BRDT: variants seen among roughly 807,000 people sequenced by gnomAD.
The protein encoded by BRDT is bromodomain testis associated, also known as bromodomain testis-specific protein.
A neutral mutation model predicts 113.9 loss-of-function variants in BRDT; 77 were observed. That is an observed-to-expected ratio of 0.68 (90% confidence interval 0.56 to 0.82). BRDT has a LOEUF of 0.82. Ranked by LOEUF, BRDT falls within the 40% of genes least tolerant of loss-of-function variation. The pLI, the probability that BRDT is intolerant of heterozygous loss-of-function variation, is 0.00. For missense variants in BRDT, 1,027 were observed against 1,105.4 expected (o/e 0.93, Z 1.01); for synonymous variants, 358 against 366.5 (o/e 0.98, Z 0.26).
At position 92,005,267 on chromosome 1, in the gene BRDT, C is replaced by A. The variant is rs1420845901; in HGVS notation, c.2743C>A (p.Gln915Lys). The change falls in exon 18 of 19, where the codon CAG becomes AAG. Residue 915 changes from glutamine to lysine, a missense_variant. Coordinates refer to ENST00000399546, the MANE Select transcript of BRDT (RefSeq NM_207189.4). ...TCTCAAAGACCGTGATTTAGCAAGG[C>A]AGAAAGAACAAGAGAGGAGGAGGAG... ...WLLKDRDLARQKEQERRRREA... is the reference protein window; with the variant it reads ...WLLKDRDLARKKEQERRRREA... 4 of 1,572,972 alleles carry A rather than the reference C, an allele frequency of 2.5e-6. No homozygotes were observed. The highest frequency in any genetic ancestry group is 3.4e-6 in the Non-Finnish European group (4 of 1,165,682).
chr1:91,954,480 CTG>C (rs1681508440), intron 1 of BRDT, among the ~76,000 whole-genome samples: 1 of 152,010 alleles, frequency 6.6e-6, no homozygotes, highest in Non-Finnish European at 1.5e-5. Context: ...AGATCTCACT[CTG>C]TTGCCCAAGA....
intron 12 of BRDT, among the ~76,000 whole-genome samples, chr1:91,986,110 C>T (rs929104708): frequency 1.3e-5 from 2 of 152,130 alleles, no homozygotes; most frequent in African/African-American, 4.8e-5. Context: ...TTTTTCATAA[C>T]TAAAATCAAT....
Position 92,004,524 on chromosome 1 carries a change from C to G in BRDT, c.2499C>G (p.Ala833=), listed in dbSNP as rs770289152. 5.0e-6 allele frequency: 8 copies of G among 1,613,208 alleles called. No individual in the cohort carries two copies. Among genetic ancestry groups the G allele is most frequent in the Non-Finnish European group, 8.5e-7 (1 of 1,179,716 alleles). Residue 833 remains alanine (A), a synonymous_variant, in exon 17 of 19, where the codon GCC becomes GCG. Coordinates refer to ENST00000399546, the MANE Select transcript of BRDT (RefSeq NM_207189.4). The stretch of plus-strand genomic sequence containing the variant: ...TCTTCAACCAATTTAGAAAAGCAGC[C>G]ATAGAAAAGGAAGTAAAAGCTCGGA... ...DELFNQFRKA[A]IEKEVKARTQ... is the part of the protein sequence containing the mutation.
intron 15 of BRDT, 148 bp from the exon 16 acceptor site, chr1:92,001,901 C>A: frequency 1.7e-6 from 1 of 579,452 alleles, no homozygotes; most frequent in Non-Finnish European, 3.1e-6. Context: ...AAGTCCCTAA[C>A]TAAGAATATT....
chr1:91,951,522 C>G (rs374447327), intron 1 of BRDT, among the ~76,000 whole-genome samples: 1 of 151,992 alleles, frequency 6.6e-6, no homozygotes, highest in African/African-American at 2.4e-5. Flanking sequence ...AAAGGCTGGG[C>G]GCGGTGGCTC....
intron 13 of BRDT, among the ~76,000 whole-genome samples, chr1:91,991,908 C>T (rs1235132176): frequency 1.5e-5 from 2 of 135,424 alleles, no homozygotes; most frequent in East Asian, 2.6e-4. Flanking sequence ...AGGAGGATGG[C>T]GTGAACCCGG....
chr1:91,961,854 A>G (rs1682482960), intron 1 of BRDT, among the ~76,000 whole-genome samples: 1 of 152,106 alleles, frequency 6.6e-6, no homozygotes, highest in South Asian at 2.1e-4. Flanking sequence ...AGATGTTGAA[A>G]TAATTTAAAA....
intron 15 of BRDT, among the ~76,000 whole-genome samples, chr1:91,996,994 G>C (rs1459437100): frequency 1.3e-5 from 2 of 151,960 alleles, no homozygotes; most frequent in African/African-American, 4.8e-5. Context: ...GAAGAGAAAA[G>C]CTTAAAGACA....
intron 18 of BRDT, among the ~76,000 whole-genome samples, chr1:92,012,913 A>G (rs1186948904): frequency 2.2e-5 from 2 of 89,640 alleles, no homozygotes; most frequent in Non-Finnish European, 5.6e-5. Flanking sequence ...CTGTCACAAG[A>G]AAAAAAAAAA....
intron 3 of BRDT, among the ~76,000 whole-genome samples, chr1:91,965,422 T>G (rs571082416): frequency 6.6e-6 from 1 of 152,296 alleles, no homozygotes; most frequent in African/African-American, 2.4e-5. Context: ...TTCCTGTCAT[T>G]TTAGTTATGA....
At chr1:91,990,169 CT>C (rs957639182) in intron 12 of BRDT, among the ~76,000 whole-genome samples, 2 of 152,162 alleles carry the variant, frequency 1.3e-5, no homozygotes, top group African/African-American at 4.8e-5. Flanking sequence ...GAGAAACCCA[CT>C]AGAACCGTGT....
Position 91,972,998 on chromosome 1 carries a change from A to G in BRDT, c.446-3268A>G, listed in dbSNP as rs115503603. On this transcript the variant is annotated intron_variant, in intron 4 of 18. Transcript: ENST00000399546. ...AGAGCTAGACAGTTGGTGAGTGGGG[A>G]TAGGTAGAGCGAAAATGTTATTTTA... 9.1e-3 allele frequency among the ~76,000 whole-genome samples: 1,390 copies of G among 152,302 alleles called. 19 individuals are homozygous for G. The highest frequency in any genetic ancestry group is 0.023 in the African/African-American group (952 of 41,578).
chr1:91,964,564 T>C (rs1017724322), intron 2 of BRDT, 63 bp from the exon 3 acceptor site: 4 of 1,049,500 alleles, frequency 3.8e-6, no homozygotes, highest in Non-Finnish European at 5.2e-6. Flanking sequence ...TAAATTTCTT[T>C]GTGTATCAAT....
chr1:92,013,070 T>C (rs1365273383), intron 18 of BRDT, among the ~76,000 whole-genome samples: 5 of 151,568 alleles, frequency 3.3e-5, no homozygotes, highest in Admixed American at 6.6e-5. Flanking sequence ...ATGCAAAAAT[T>C]ACCTGGGCAT....
rs1570415593 is a variant in BRDT, at chr1:91,955,050, C to T, written c.-38+5368C>T. Among the ~76,000 whole-genome samples, 6 of 152,130 alleles carry T rather than the reference C, an allele frequency of 3.9e-5. 1 individual carries two copies. The highest frequency in any genetic ancestry group is 3.9e-4 in the Admixed American group (6 of 15,272). On this transcript the variant is annotated intron_variant, in intron 1 of 18. Coordinates refer to ENST00000399546, the MANE Select transcript of BRDT (RefSeq NM_207189.4). ...ATAATGGTAACTCTGTACTTTTTTC[C>T]CCTCCTTAAGGTGGCATATTGGAAT...
At chr1:91,985,814 A>G (rs575997838) in intron 12 of BRDT, among the ~76,000 whole-genome samples, 20 of 151,034 alleles carry the variant, frequency 1.3e-4, no homozygotes, top group African/African-American at 4.1e-4. Context: ...AATTTTTTCT[A>G]TTTTTAGTAG....
At chr1:91,991,557 A>T (rs141706581) in intron 13 of BRDT, among the ~76,000 whole-genome samples, 1 of 152,336 alleles carries the variant, frequency 6.6e-6, no homozygotes, top group Non-Finnish European at 1.5e-5. Context: ...GAATGAGTGT[A>T]CAAAACTATG....
At chr1:91,984,306 A>G (rs536888144) in intron 12 of BRDT, among the ~76,000 whole-genome samples, 49 of 152,304 alleles carry the variant, frequency 3.2e-4, no homozygotes, top group Non-Finnish European at 6.0e-4. Flanking sequence ...TAGCATGTAA[A>G]CTAAGAACAT....
chr1:91,969,230 G>A (rs927404615), intron 4 of BRDT, among the ~76,000 whole-genome samples: 11 of 151,932 alleles, frequency 7.2e-5, no homozygotes, highest in African/African-American at 2.7e-4. Context: ...GTGAGCCACC[G>A]CGCCTGGCCC....
Sources: gnomAD v4.1 joint callset for allele counts (sites outside exome capture counted in the v4.1 genomes callset) on GRCh38, gnomAD v4.1.1 for gene constraint, MANE v1.5 for transcripts, NCBI Gene and HGNC (gene_info 2026-07-23, HGNC 2026-07-21) for gene names.